SDK1: variants seen among roughly 807,000 people sequenced by gnomAD.
SDK1 encodes the protein protein sidekick-1.
A neutral mutation model predicts 245.5 loss-of-function variants in SDK1; 157 were observed. That is an observed-to-expected ratio of 0.64 (90% CI 0.56 to 0.73). The LOEUF (loss-of-function observed/expected upper bound fraction) is 0.73. Ranked by LOEUF, SDK1 falls within the 30% of genes least tolerant of loss-of-function variation. The pLI is 0.00. For synonymous variants in SDK1, 1,647 were observed against 1,278.5 expected (o/e 1.29, Z -6.15); for missense variants, 3,583 against 3,002.3 (o/e 1.19, Z -4.52).
intron 5 of SDK1, 21 bp from the exon 6 acceptor site, chr7:3,950,902 T>C: frequency 6.3e-7 from 1 of 1,595,240 alleles, no homozygotes; most frequent in Non-Finnish European, 8.6e-7. Context: ...TTCATGGACA[T>C]TTCTCTTTTC....
chr7:3,465,941 G>T (rs903507013), intron 1 of SDK1, among the ~76,000 whole-genome samples: 55 of 152,126 alleles, frequency 3.6e-4, no homozygotes. Context: ...AAAAAGTGTT[G>T]CTGTAATTTT....
chr7:3,878,118 A>G (rs1382988845), intron 5 of SDK1, among the ~76,000 whole-genome samples: 1 of 152,234 alleles, frequency 6.6e-6, no homozygotes, highest in Non-Finnish European at 1.5e-5. Flanking sequence ...TGAATAAAAC[A>G]TTTTTATAGT....
chr7:3,910,742 G>GC (rs1367344924), intron 5 of SDK1, among the ~76,000 whole-genome samples: 6 of 152,294 alleles, frequency 3.9e-5, no homozygotes, highest in Middle Eastern at 3.4e-3. Flanking sequence ...CACTTGAAAG[G>GC]CCAATTCTTG....
intron 1 of SDK1, among the ~76,000 whole-genome samples, chr7:3,467,445 T>A (rs552945856): frequency 6.6e-6 from 1 of 152,022 alleles, no homozygotes; most frequent in South Asian, 2.1e-4. Flanking sequence ...ATAAAAAATA[T>A]ACAAAAAGTA....
chr7:3,588,380 C>G (rs1157671094), intron 1 of SDK1, among the ~76,000 whole-genome samples: 1 of 152,142 alleles, frequency 6.6e-6, no homozygotes. Context: ...AAAGGCTATG[C>G]TAAATTGTGT....
chr7:3,460,932 C>A (rs1462379578), intron 1 of SDK1, among the ~76,000 whole-genome samples: 1 of 152,158 alleles, frequency 6.6e-6, no homozygotes, highest in African/African-American at 2.4e-5. Flanking sequence ...TTGACAGAGA[C>A]ACGTTTCTTA....
intron 1 of SDK1, among the ~76,000 whole-genome samples, chr7:3,481,896 C>G (rs532431644): frequency 6.6e-6 from 1 of 152,084 alleles, no homozygotes; most frequent in Non-Finnish European, 1.5e-5. Flanking sequence ...AGGACTCTGA[C>G]TGATACAGTG....
chr7:4,267,059 G>A lies in SDK1; in HGVS notation c.*1675G>A, dbSNP rs868803039. On this transcript the variant is annotated 3_prime_UTR_variant, in exon 45 of 45. Coordinates refer to ENST00000404826, the MANE Select transcript of SDK1 (RefSeq NM_152744.4). ...GGTGTGGATATTGCCTGGATTCTGT[G>A]CTGTCAGCGTTGCTGAGTATGGCCC... 1.3e-5 allele frequency: 13 copies of A among 985,408 alleles called. No individual in the cohort carries two copies. In the South Asian group the frequency reaches 5.2e-4, roughly 39 times the overall value. 61.0% of individuals were successfully genotyped at this position (985,408 alleles called of 1,614,324 possible). A position where few individuals can be genotyped will look rare whatever the true frequency, so the allele number is the denominator to read the frequency against.
At chr7:3,379,097 T>C (rs1029484984) in intron 1 of SDK1, among the ~76,000 whole-genome samples, 2 of 152,302 alleles carry the variant, frequency 1.3e-5, no homozygotes, top group Non-Finnish European at 2.9e-5. Flanking sequence ...ACTTTTCAAC[T>C]GACATGGGTT....
At chr7:3,792,193 G>A (rs1781116251) in intron 4 of SDK1, among the ~76,000 whole-genome samples, 2 of 152,084 alleles carry the variant, frequency 1.3e-5, no homozygotes, top group South Asian at 4.2e-4. Flanking sequence ...TCTCATAACT[G>A]CCTGGCTCCA....
At chr7:3,607,626 T>G (rs1284075298) in intron 1 of SDK1, among the ~76,000 whole-genome samples, 1 of 152,236 alleles carries the variant, frequency 6.6e-6, no homozygotes, top group Non-Finnish European at 1.5e-5. Context: ...TATGAATGCT[T>G]TCTTTTCTTT....
chr7:4,225,638 G>A (rs1175485776), intron 40 of SDK1, among the ~76,000 whole-genome samples: 1 of 152,204 alleles, frequency 6.6e-6, no homozygotes. Context: ...AGCCTGGCAG[G>A]CCGTGCGGAT....
At chr7:4,260,213 C>T (rs371930429) in intron 44 of SDK1, among the ~76,000 whole-genome samples, 14 of 108,554 alleles carry the variant, frequency 1.3e-4, no homozygotes, top group African/African-American at 3.2e-4. Flanking sequence ...TGCTCCGGGG[C>T]CTCTGTGTGT....
At chr7:4,225,892 C>T (rs1785415099) in intron 40 of SDK1, among the ~76,000 whole-genome samples, 1 of 152,114 alleles carries the variant, frequency 6.6e-6, no homozygotes, top group African/African-American at 2.4e-5. Flanking sequence ...CATTCAAAAG[C>T]AGGTCGCCAA....
chr7:3,979,646 A>C (rs1583709661), intron 13 of SDK1, among the ~76,000 whole-genome samples: 1 of 152,128 alleles, frequency 6.6e-6, no homozygotes, highest in Admixed American at 6.5e-5. Flanking sequence ...AGATGGTTCC[A>C]TGAGGCAGCC....
Position 3,944,353 on chromosome 7 carries a change from C to T in SDK1, c.848-6570C>T, listed in dbSNP as rs452635. Among the ~76,000 whole-genome samples, 1,380 of 152,334 alleles carry T rather than the reference C, an allele frequency of 9.1e-3. 14 individuals carry two copies. The highest frequency in any genetic ancestry group is 0.021 in the South Asian group (103 of 4,832). ...GTTTTGTGGCTGCATGGCAGCTTGG[C>T]AAAATAGAATTCCTTTCTCTACTTT... On this transcript the variant is annotated intron_variant, in intron 5 of 44. Coordinates refer to ENST00000404826, the MANE Select transcript of SDK1 (RefSeq NM_152744.4).
At position 3,675,158 on chromosome 7, in the gene SDK1, C is replaced by G. The variant is rs140550611; in HGVS notation, c.713+33053C>G. ...GCCCCAAACCTGCTCCACCCATAGT[C>G]TATATCATATCATTTCATGGCAGCT... is the stretch of plus-strand genomic sequence containing the variant. On this transcript the variant is annotated intron_variant, in intron 4 of 44. Transcript: ENST00000404826. Among the ~76,000 whole-genome samples, 454 of 152,296 alleles carry G rather than the reference C, an allele frequency of 3.0e-3. 4 individuals are homozygous for G. The highest frequency in any genetic ancestry group is 0.011 in the African/African-American group (441 of 41,572).
chr7:4,146,544 C>G (rs747371665), intron 29 of SDK1, among the ~76,000 whole-genome samples: 4 of 152,244 alleles, frequency 2.6e-5, no homozygotes, highest in African/African-American at 9.6e-5. Flanking sequence ...ATATGTGAGA[C>G]GGTCTCAGGT....
chr7:3,698,255 T>G (rs940746117), intron 4 of SDK1, among the ~76,000 whole-genome samples: 2 of 152,156 alleles, frequency 1.3e-5, no homozygotes, highest in African/African-American at 4.8e-5. Flanking sequence ...AGCAGGGAGC[T>G]TAGACTTTCA....
Sources: allele counts gnomAD v4.1 joint callset (sites outside exome capture counted in the v4.1 genomes callset), GRCh38; gene constraint gnomAD v4.1.1; transcripts MANE v1.5; gene names NCBI Gene and HGNC (gene_info 2026-07-23, HGNC 2026-07-21).